Variants in DDR2 observed in about 807,000 individuals in gnomAD.
The protein encoded by DDR2 is discoidin domain-containing receptor 2.
A neutral mutation model predicts 94.9 loss-of-function variants in DDR2; 27 were observed. That is an observed-to-expected ratio of 0.28 (90% CI 0.21 to 0.39). The LOEUF (loss-of-function observed/expected upper bound fraction) is 0.39, where lower values mean the gene tolerates loss of function less well. Ranked by LOEUF, DDR2 falls within the 10% of genes least tolerant of loss-of-function variation. The probability of loss-of-function intolerance (pLI) is 1.00; values close to 1 mark genes in which losing one functional copy is unlikely to be tolerated. For missense variants in DDR2, 783 were observed against 1,076.0 expected, an observed-to-expected ratio of 0.73 and a Z score of 3.81; for synonymous variants, 382 against 377.2, an observed-to-expected ratio of 1.01 and a Z score of -0.15.
At chr1:162,666,922 G>A (rs1309209728) in intron 2 of DDR2, among the ~76,000 whole-genome samples, 1 of 149,004 alleles carries the variant, frequency 6.7e-6, no homozygotes, top group East Asian at 2.0e-4. Flanking sequence ...TAATATATAT[G>A]TAAACTCATG....
At chr1:162,673,592 TGTATGTGTGTGTGTGTGAGAGAGAGA>T (rs1658976050) in intron 2 of DDR2, among the ~76,000 whole-genome samples, 1 of 134,036 alleles carries the variant, frequency 7.5e-6, no homozygotes, top group African/African-American at 3.0e-5. Flanking sequence ...TGTGTGTGTG[TGTATGTGTGTGTGTGTGAGAGAGAGA>T]GAGAGAGAGA....
chr1:162,650,476 A>G (rs1360944924), intron 1 of DDR2, among the ~76,000 whole-genome samples: 1 of 152,008 alleles, frequency 6.6e-6, no homozygotes, highest in African/African-American at 2.4e-5. Context: ...CGCACCTGTA[A>G]TCTCAGCTAC....
chr1:162,761,854 A>G (rs1482049610), intron 9 of DDR2, among the ~76,000 whole-genome samples: 1 of 152,212 alleles, frequency 6.6e-6, no homozygotes, highest in Admixed American at 6.5e-5. Flanking sequence ...TTTACTAATC[A>G]TTGATATTTT....
Position 162,755,584 on chromosome 1 carries a change from T to G in DDR2, c.566-80T>G, listed in dbSNP as rs939944412. On this transcript the variant is annotated intron_variant, in intron 6 of 17. Transcript: ENST00000367921. ...TCCTGCTGGACACGCTGTGCAAGCT[T>G]ATACCCTTGAAACTCACATAGTTCC... The G allele has an allele frequency of 7.3e-6, 10 of 1,363,624 alleles. No individual in the cohort carries two copies. In the African/African-American group the frequency reaches 1.4e-4, roughly 20 times the overall value. The allele number at this position is 1,363,624 out of a possible 1,614,324, so 84.5% of individuals were successfully genotyped here.
At chr1:162,747,539 G>A (rs778634081) in intron 3 of DDR2, among the ~76,000 whole-genome samples, 4 of 151,506 alleles carry the variant, frequency 2.6e-5, no homozygotes, top group Non-Finnish European at 5.9e-5. Context: ...GTACCTGAAA[G>A]TGACGGGGAG....
rs146798074 is a variant in DDR2, at chr1:162,676,747, A to G, written c.-28+21373A>G. ...AAGTCCCTGGAGTTAAAAAATTCCT[A>G]GGAGGTAAATATTATCCACCCCTTC... is the stretch of plus-strand genomic sequence containing the variant. On this transcript the variant is annotated intron_variant, in intron 2 of 17. Coordinates refer to ENST00000367921, the MANE Select transcript of DDR2 (RefSeq NM_006182.4). 6.1e-4 allele frequency among the ~76,000 whole-genome samples: 93 copies of G among 152,252 alleles called. 1 individual carries two copies. Among genetic ancestry groups the G allele is most frequent in the African/African-American group, 2.1e-3 (88 of 41,554 alleles).
rs189592558 is a variant in DDR2 at position 162,715,260 on chromosome 1, G to T, written c.-27-3777G>T. Among the ~76,000 whole-genome samples the T allele has an allele frequency of 7.7e-4, 118 of 152,268 alleles. 1 individual carries two copies. Among genetic ancestry groups the T allele is most frequent in the African/African-American group, 2.6e-3 (110 of 41,562 alleles). On this transcript the variant is annotated intron_variant, in intron 2 of 17. Transcript: ENST00000367921. ...TAAAATGAACATGGAGCTTGTGTGT[G>T]TTGGGGGGGAATACAAATTAAACAA...
chr1:162,643,674 C>G lies in DDR2; in HGVS notation c.-192+11043C>G, dbSNP rs186331214. On this transcript the variant is annotated intron_variant, in intron 1 of 17. Transcript: ENST00000367921. ...TTTTGTATTTTTAGTAGAGACGAAG[C>G]TTTGCCCTGTTGGCCAGTCTGGTCT... Among the ~76,000 whole-genome samples the G allele has an allele frequency of 1.6e-3, 239 of 152,170 alleles. 1 individual carries two copies. Among genetic ancestry groups the G allele is most frequent in the Non-Finnish European group, 2.9e-3 (196 of 67,980 alleles).
At position 162,662,800 on chromosome 1, in the gene DDR2, A is replaced by G. The variant is rs919755846; in HGVS notation, c.-28+7426A>G. On this transcript the variant is annotated intron_variant, in intron 2 of 17. Transcript: ENST00000367921. ...AATAGTTGTTCTAATATCTGGATTGATTGCGATTCAGTAGAAAACAAGCAG... is the reference window on the plus strand; with the variant it reads ...AATAGTTGTTCTAATATCTGGATTGGTTGCGATTCAGTAGAAAACAAGCAG... 3.9e-5 allele frequency among the ~76,000 whole-genome samples: 6 copies of G among 152,046 alleles called. No individual in the cohort carries two copies. The South Asian group carries it at 6.2e-4, about 16-fold the overall frequency.
chr1:162,784,331 C>T lies in DDR2; in HGVS notation c.*4085C>T, dbSNP rs550451854. 3 of 154,384 alleles carry T rather than the reference C, an allele frequency of 1.9e-5. No homozygotes were observed. The highest frequency in any genetic ancestry group is 4.1e-4 in the South Asian group (2 of 4,916). The allele number at this position is 154,384 out of a possible 1,614,324, so 9.6% of individuals were successfully genotyped here. On this transcript the variant is annotated 3_prime_UTR_variant, in exon 18 of 18. Coordinates refer to ENST00000367921, the MANE Select transcript of DDR2 (RefSeq NM_006182.4). ...AAAAGAAAAAAAGAAAATTGCAATA[C>T]ATGGCTACTAAGTCTTTGATCATAA...
At chr1:162,651,664 G>A (rs1385388990) in intron 1 of DDR2, among the ~76,000 whole-genome samples, 6 of 152,056 alleles carry the variant, frequency 3.9e-5, no homozygotes, top group Admixed American at 6.6e-5. Context: ...ACTCAGAAAC[G>A]TGGTTGAACA....
At chr1:162,643,165 A>G (rs987310056) in intron 1 of DDR2, among the ~76,000 whole-genome samples, 5 of 152,106 alleles carry the variant, frequency 3.3e-5, no homozygotes, top group African/African-American at 1.2e-4. Flanking sequence ...GACTTAAGGT[A>G]CCAGCTTCTT....
chr1:162,762,839 G>A (rs1346969626), intron 9 of DDR2, among the ~76,000 whole-genome samples: 1 of 151,848 alleles, frequency 6.6e-6, no homozygotes, highest in African/African-American at 2.4e-5. Flanking sequence ...ATTATTAGTA[G>A]TAGTATGTTT....
intron 3 of DDR2, among the ~76,000 whole-genome samples, chr1:162,744,185 G>T (rs2332): frequency 0.85 from 129,131 of 152,172 alleles, 55,462 homozygotes; most frequent in Non-Finnish European, 0.92. Context: ...CCTGCTCTCT[G>T]AACAAGTTTT....
chr1:162,743,189 T>A (rs966065388), intron 3 of DDR2, among the ~76,000 whole-genome samples: 23 of 152,050 alleles, frequency 1.5e-4, no homozygotes, highest in African/African-American at 5.6e-4. Flanking sequence ...TTCCCTTTTT[T>A]AGGGTGAGAT....
intron 3 of DDR2, among the ~76,000 whole-genome samples, chr1:162,726,472 A>T (rs1249980049): frequency 6.6e-6 from 1 of 152,068 alleles, no homozygotes; most frequent in Non-Finnish European, 1.5e-5. Flanking sequence ...CTTTGCCTTC[A>T]CCCTGTTGTT....
At chr1:162,768,101 G>A (rs527820724) in intron 11 of DDR2, among the ~76,000 whole-genome samples, 6 of 152,278 alleles carry the variant, frequency 3.9e-5, no homozygotes, top group African/African-American at 1.2e-4. Context: ...AAAATGTGAT[G>A]TGCTTAAGGT....
At chr1:162,735,430 T>A (rs925230861) in intron 3 of DDR2, among the ~76,000 whole-genome samples, 14 of 152,330 alleles carry the variant, frequency 9.2e-5, no homozygotes, top group Non-Finnish European at 1.6e-4. Context: ...GTTAATACAC[T>A]GTTTGCTACC....
At chr1:162,747,340 C>A (rs1453793536) in intron 3 of DDR2, among the ~76,000 whole-genome samples, 2 of 152,076 alleles carry the variant, frequency 1.3e-5, no homozygotes. Context: ...CCTGGTGGAG[C>A]TGAAAACCAT....
Sources: gnomAD v4.1 joint callset for allele counts (sites outside exome capture counted in the v4.1 genomes callset) on GRCh38, gnomAD v4.1.1 for gene constraint, MANE v1.5 for transcripts, NCBI Gene and HGNC (gene_info 2026-07-23, HGNC 2026-07-21) for gene names.